The following B3GNT2 variants were observed in gnomAD, a reference collection of about 807,000 sequenced individuals.
B3GNT2 encodes UDP-GlcNAc:betaGal beta-1,3-N-acetylglucosaminyltransferase 2.
B3GNT2 carries 12 observed loss-of-function variants against 27.6 expected under a neutral mutation model. That is an observed-to-expected ratio of 0.44 (90% CI 0.28 to 0.71). The LOEUF is 0.71. Ranked by LOEUF, B3GNT2 falls within the 30% of genes least tolerant of loss-of-function variation. The probability of loss-of-function intolerance (pLI) is 0.17; values close to 1 mark genes in which losing one functional copy is unlikely to be tolerated. For missense variants in B3GNT2, 413 were observed against 488.5 expected (o/e 0.85, Z 1.46); for synonymous variants, 192 against 189.7 (o/e 1.01, Z -0.10).
At chr2:62,200,910 TCA>T (rs1674254465) in intron 1 of B3GNT2, among the ~76,000 whole-genome samples, 1 of 152,252 alleles carries the variant, frequency 6.6e-6, no homozygotes, top group Non-Finnish European at 1.5e-5. Context: ...AATCTGAGTC[TCA>T]GTTACGTATG....
At chr2:62,216,623 C>T (rs145652144) in intron 1 of B3GNT2, among the ~76,000 whole-genome samples, 108 of 152,050 alleles carry the variant, frequency 7.1e-4, no homozygotes, top group Non-Finnish European at 1.2e-3. Context: ...AGGTTGGTCT[C>T]GAACTCCTGG....
intron 1 of B3GNT2, chr2:62,221,823 G>A (rs773739530): frequency 5.7e-6 from 3 of 522,522 alleles, no homozygotes; most frequent in Non-Finnish European, 1.1e-5. Flanking sequence ...AGCACTGTAT[G>A]TGCCATTGTA....
rs192525393 is a variant in B3GNT2, at chr2:62,223,611, A to T, written c.*197A>T. The stretch of plus-strand genomic sequence containing the variant: ...GGAAGATGGTAATTTTTTTTTATGG[A>T]TGATATGGCAGGATGATTGGTTCTG... On this transcript the variant is annotated 3_prime_UTR_variant, in exon 2 of 2. Coordinates refer to ENST00000301998, the MANE Select transcript of B3GNT2 (RefSeq NM_006577.6). 1.3e-3 allele frequency: 721 copies of T among 551,896 alleles called. 1 individual carries two copies. Among genetic ancestry groups the T allele is most frequent in the Non-Finnish European group, 1.8e-3 (548 of 306,202 alleles). The allele number at this position is 551,896 out of a possible 1,614,324, so 34.2% of individuals were successfully genotyped here.
intron 1 of B3GNT2, among the ~76,000 whole-genome samples, chr2:62,197,058 T>A (rs543466733): frequency 6.6e-6 from 1 of 151,850 alleles, no homozygotes; most frequent in South Asian, 2.1e-4. Flanking sequence ...ACTGTTTGCG[T>A]TGAATGATTA....
At chr2:62,199,695 T>C (rs540467846) in intron 1 of B3GNT2, among the ~76,000 whole-genome samples, 88 of 152,352 alleles carry the variant, frequency 5.8e-4, no homozygotes, top group African/African-American at 2.0e-3. Flanking sequence ...TCTGAAGTGG[T>C]AAATGTTTCC....
rs928053996 is a variant in B3GNT2, at chr2:62,224,077, A to G, written c.*663A>G. ...TCATAATAAGGAGAAAGAGGGTTTA[A>G]TTTTTCTTGTATTTGGTTTCCTGGT... On this transcript the variant is annotated 3_prime_UTR_variant, in exon 2 of 2. Coordinates refer to ENST00000301998, the MANE Select transcript of B3GNT2 (RefSeq NM_006577.6). 6.0e-6 allele frequency: 1 copy of G among 166,984 alleles called. No individual in the cohort carries two copies. The highest frequency in any genetic ancestry group is 1.9e-4 in the East Asian group (1 of 5,200). The allele number at this position is 166,984 out of a possible 1,614,324, so 10.3% of individuals were successfully genotyped here.
At chr2:62,207,339 CA>C (rs1295056729) in intron 1 of B3GNT2, among the ~76,000 whole-genome samples, 3 of 152,148 alleles carry the variant, frequency 2.0e-5, no homozygotes, top group Non-Finnish European at 4.4e-5. Context: ...TACAGGCCAC[CA>C]TGCCCAGCTA....
intron 1 of B3GNT2, among the ~76,000 whole-genome samples, chr2:62,211,491 G>T (rs187529616): frequency 2.0e-5 from 3 of 152,148 alleles, no homozygotes; most frequent in Admixed American, 2.0e-4. Context: ...TAAGTCTTCG[G>T]GACAACAAAA....
intron 1 of B3GNT2, among the ~76,000 whole-genome samples, chr2:62,212,442 A>G (rs1674498325): frequency 6.6e-6 from 1 of 152,004 alleles, no homozygotes; most frequent in African/African-American, 2.4e-5. Flanking sequence ...TGTCCTCAGC[A>G]CAACCCTAAG....
At chr2:62,203,624 A>C (rs1674312263) in intron 1 of B3GNT2, among the ~76,000 whole-genome samples, 1 of 152,038 alleles carries the variant, frequency 6.6e-6, no homozygotes, top group African/African-American at 2.4e-5. Context: ...GGGGATTGGG[A>C]GGGTCAAGGC....
At chr2:62,196,843 AC>A (rs1481204268) in intron 1 of B3GNT2, among the ~76,000 whole-genome samples, 6 of 151,370 alleles carry the variant, frequency 4.0e-5, no homozygotes, top group African/African-American at 1.5e-4. Context: ...CCTCGCTCGC[AC>A]CCCCGCACCC....
rs968918409 is a variant in B3GNT2 at position 62,203,367 on chromosome 2, A to G, written c.-10+7012A>G. ...TGGGGCATTTTTTAGCATACGGGAT[A>G]TGGGAGTCTGTAGTGATGTCTAGGG... On this transcript the variant is annotated intron_variant, in intron 1 of 1. Transcript: ENST00000301998. Among the ~76,000 whole-genome samples the G allele has an allele frequency of 1.3e-4, 20 of 152,268 alleles. 1 individual carries two copies. The highest frequency in any genetic ancestry group is 4.6e-4 in the African/African-American group (19 of 41,544).
intron 1 of B3GNT2, among the ~76,000 whole-genome samples, chr2:62,219,908 G>T (rs1345632747): frequency 6.6e-6 from 1 of 152,192 alleles, no homozygotes; most frequent in Non-Finnish European, 1.5e-5. Context: ...GGGGTTGGGG[G>T]GAGTCATGAG....
chr2:62,216,748 C>T (rs1674583003), intron 1 of B3GNT2, among the ~76,000 whole-genome samples: 1 of 152,088 alleles, frequency 6.6e-6, no homozygotes, highest in Admixed American at 6.6e-5. Flanking sequence ...GGAAAATGGG[C>T]GCCCTTGAAA....
Position 62,223,182 on chromosome 2 carries a change from A to T in B3GNT2, c.962A>T (p.His321Leu). The T allele has an allele frequency of 1.2e-6, 2 of 1,614,194 alleles. No homozygotes were observed. Among genetic ancestry groups the T allele is most frequent in the Non-Finnish European group, 1.7e-6 (2 of 1,180,032 alleles). ...GGCCACCTGGCCCTGAGGCTGTACC[A>T]TATCACTGACCAGGTCCATCTCTAC... ...YSGHLALRLY[H>L]ITDQVHLYPI... Residue 321 changes from histidine to leucine, a missense_variant, in exon 2 of 2, where the codon CAT becomes CTT. By Grantham distance (99) the His-to-Leu change is moderately conservative. Coordinates refer to ENST00000301998, the MANE Select transcript of B3GNT2 (RefSeq NM_006577.6).
At chr2:62,204,272 T>C (rs963077276) in intron 1 of B3GNT2, among the ~76,000 whole-genome samples, 2 of 148,406 alleles carry the variant, frequency 1.3e-5, no homozygotes, top group Non-Finnish European at 3.0e-5. Flanking sequence ...GTGATCCACC[T>C]GCCTTGGCCT....
intron 1 of B3GNT2, among the ~76,000 whole-genome samples, chr2:62,202,618 T>C (rs975099938): frequency 9.2e-5 from 14 of 152,220 alleles, no homozygotes; most frequent in African/African-American, 3.4e-4. Context: ...TTGAGGAAGA[T>C]GGGCCTGAGC....
At chr2:62,216,701 G>A (rs1417343489) in intron 1 of B3GNT2, among the ~76,000 whole-genome samples, 1 of 152,188 alleles carries the variant, frequency 6.6e-6, no homozygotes, top group Non-Finnish European at 1.5e-5. Flanking sequence ...ATGGCACCCA[G>A]CCCATAGCTT....
At chr2:62,209,207 T>C (rs11680476) in intron 1 of B3GNT2, among the ~76,000 whole-genome samples, 19,773 of 152,058 alleles carry the variant, frequency 0.13, 1,492 homozygotes, top group Admixed American at 0.23. Context: ...AGCTATAGAC[T>C]GTGAGAAAAA....
Sources: allele counts gnomAD v4.1 joint callset (sites outside exome capture counted in the v4.1 genomes callset), GRCh38; gene constraint gnomAD v4.1.1; transcripts MANE v1.5; gene names NCBI Gene and HGNC (gene_info 2026-07-23, HGNC 2026-07-21).